CFAP57: variants seen among roughly 807,000 people sequenced by gnomAD.
The protein encoded by CFAP57 is cilia- and flagella-associated protein 57.
A neutral mutation model predicts 146.8 loss-of-function variants in CFAP57; 116 were observed. That is an observed-to-expected ratio of 0.79 (90% confidence interval 0.68 to 0.92). The LOEUF (loss-of-function observed/expected upper bound fraction) is 0.92, where lower values mean the gene tolerates loss of function less well. CFAP57 is among the 40% of genes least tolerant of loss of function. The probability of loss-of-function intolerance (pLI) is 0.00; values close to 1 mark genes in which losing one functional copy is unlikely to be tolerated. For synonymous variants in CFAP57, 518 were observed against 552.8 expected (o/e 0.94, Z 0.88); for missense variants, 1,377 against 1,527.2 (o/e 0.90, Z 1.64).
chr1:43,185,651 G>T (rs556024460), intron 5 of CFAP57, among the ~76,000 whole-genome samples: 4 of 142,730 alleles, frequency 2.8e-5, no homozygotes, highest in Non-Finnish European at 5.9e-5. Flanking sequence ...AGACCAGCCT[G>T]GGCAACATGG....
At position 43,185,155 on chromosome 1, in the gene CFAP57, T is replaced by G; in HGVS notation, c.768T>G (p.Ile256Met). The change falls in exon 5 of 23, where the codon ATT (isoleucine) becomes ATG (methionine). Residue 256 changes from isoleucine to methionine, a missense_variant. Coordinates refer to ENST00000372492, the MANE Select transcript of CFAP57 (RefSeq NM_001378189.1). ...LDVIQESESLIEFPPVSSPLP... is the reference protein window; with the variant it reads ...LDVIQESESLMEFPPVSSPLP... ...GCTGTTTTTTTGTTTCCAGCCTGATTGAATTTCCACCAGTCAGTTCTCCAC... is the reference window on the plus strand; with the variant it reads ...GCTGTTTTTTTGTTTCCAGCCTGATGGAATTTCCACCAGTCAGTTCTCCAC... 6.2e-7 allele frequency: 1 copy of G among 1,614,124 alleles called. No individual in the cohort carries two copies. The highest frequency in any genetic ancestry group is 8.5e-7 in the Non-Finnish European group (1 of 1,180,022).
chr1:43,226,600 G>A (rs758520062), intron 17 of CFAP57, among the ~76,000 whole-genome samples: 35 of 152,232 alleles, frequency 2.3e-4, no homozygotes, highest in Non-Finnish European at 7.3e-5. Context: ...TTTGGGTTAC[G>A]AACAAGTCAC....
At chr1:43,172,624 G>C (rs1300781055) in intron 1 of CFAP57, 111 bp from the exon 2 acceptor site, 2 of 1,007,810 alleles carry the variant, frequency 2.0e-6, no homozygotes, top group African/African-American at 3.2e-5. Flanking sequence ...GGAGGAGAAA[G>C]GGGAGAGACA....
chr1:43,181,816 T>A lies in CFAP57; in HGVS notation c.440T>A (p.Val147Asp). Residue 147 changes from valine to aspartate, a missense_variant, in exon 3 of 23, where the codon GTT (valine) becomes GAT (aspartate). Physicochemically the swap from Val to Asp is radical, Grantham distance 152. Transcript: ENST00000372492. ...GAAAAACAGAAAGTAATGGCCATTGTTAGAATCGACACTCAGAACAACCCT... is the reference window on the plus strand; with the variant it reads ...GAAAAACAGAAAGTAATGGCCATTGATAGAATCGACACTCAGAACAACCCT... ...LWEKQKVMAIVRIDTQNNPVY... is the reference protein window; with the variant it reads ...LWEKQKVMAIDRIDTQNNPVY... The A allele has an allele frequency of 6.2e-7, 1 of 1,614,214 alleles. No individual in the cohort carries two copies. The highest frequency in any genetic ancestry group is 1.6e-4 in the Middle Eastern group (1 of 6,062).
intron 2 of CFAP57, among the ~76,000 whole-genome samples, chr1:43,174,493 A>C (rs1280803196): frequency 6.6e-6 from 1 of 152,072 alleles, no homozygotes; most frequent in African/African-American, 2.4e-5. Context: ...GCTGGTAAGC[A>C]CCTCCAGACA....
chr1:43,191,411 C>T (rs1340371099), intron 6 of CFAP57, among the ~76,000 whole-genome samples: 1 of 152,002 alleles, frequency 6.6e-6, no homozygotes, highest in East Asian at 1.9e-4. Flanking sequence ...CACAGTGAAA[C>T]CCCGTCTCTA....
intron 9 of CFAP57, among the ~76,000 whole-genome samples, chr1:43,204,146 A>G (rs1485806473): frequency 6.6e-6 from 1 of 152,176 alleles, no homozygotes; most frequent in Admixed American, 6.5e-5. Context: ...TGGTTATTGT[A>G]CTTTTCAACT....
At position 43,243,277 on chromosome 1, in the gene CFAP57, G is replaced by T. The variant is rs1446895272; in HGVS notation, c.3456G>T (p.Lys1152Asn). 2.5e-5 allele frequency: 38 copies of T among 1,550,062 alleles called. No homozygotes were observed. The highest frequency in any genetic ancestry group is 3.2e-5 in the Non-Finnish European group (37 of 1,146,736). The change falls in exon 22 of 23, where the codon AAG (lysine) becomes AAT (asparagine). Residue 1152 changes from lysine (K) to asparagine (N), a missense_variant. Transcript: ENST00000372492. ...TTAATGAGCTCCGCAGGGAGCTGAA[G>T]TTCACTCGGTCCCAAGTCTATGACC... Reference protein sequence around the residue: ...KEINELRRELKFTRSQVYDLE... With the variant: ...KEINELRRELNFTRSQVYDLE...
Position 43,227,127 on chromosome 1 carries a change from G to T in CFAP57, c.3009+1G>T. 1 of 1,524,768 alleles carries T rather than the reference G, an allele frequency of 6.6e-7. No individual in the cohort carries two copies. Among genetic ancestry groups the T allele is most frequent in the Non-Finnish European group, 8.8e-7 (1 of 1,136,554 alleles). 94.5% of individuals were successfully genotyped at this position (1,524,768 alleles called of 1,614,324 possible). On this transcript the variant is annotated splice_donor_variant, in intron 18 of 22. Coordinates refer to ENST00000372492, the MANE Select transcript of CFAP57 (RefSeq NM_001378189.1). LOFTEE classifies it high-confidence loss of function. ...GGTGATGAAGGAACAGATTCAGGAG[G>T]TAAGAAGCCATTTGCAACACTCTGG...
Position 43,227,123 on chromosome 1 carries a change from G to A in CFAP57, c.3006G>A (p.Gln1002=). 6.5e-7 allele frequency: 1 copy of A among 1,531,246 alleles called. No homozygotes were observed. Among genetic ancestry groups the A allele is most frequent in the Non-Finnish European group, 8.8e-7 (1 of 1,139,062 alleles). The allele number at this position is 1,531,246 out of a possible 1,614,324, so 94.9% of individuals were successfully genotyped here. ...NEIRVMKEQI[Q]EMEAELENFH... ...TCAGGGTGATGAAGGAACAGATTCA[G>A]GAGGTAAGAAGCCATTTGCAACACT... Residue 1002 remains glutamine (Q), a synonymous_variant, in exon 18 of 23, where the codon CAG becomes CAA. Coordinates refer to ENST00000372492, the MANE Select transcript of CFAP57 (RefSeq NM_001378189.1).
intron 5 of CFAP57, among the ~76,000 whole-genome samples, chr1:43,186,003 C>T (rs964341936): frequency 8.6e-5 from 13 of 151,798 alleles, no homozygotes; most frequent in African/African-American, 1.9e-4. Flanking sequence ...TGCTTGAACC[C>T]GGGCAGCAGA....
rs781315362 is a variant in CFAP57 at position 43,234,613 on chromosome 1, G to A, written c.3380G>A (p.Arg1127His). Reference protein sequence around the residue: ...KKVVKEGELHRTDYVRIMQEN... With the variant: ...KKVVKEGELHHTDYVRIMQEN... ...GTGGTCAAGGAGGGCGAGCTGCACC[G>A]CACAGACTACGTCCGCATCATGCAG... The change falls in exon 21 of 23, where the codon CGC (arginine) becomes CAC (histidine). Residue 1127 changes from arginine to histidine, a missense_variant. Physicochemically the swap from Arg to His is conservative, Grantham distance 29. Coordinates refer to ENST00000372492, the MANE Select transcript of CFAP57 (RefSeq NM_001378189.1). 168 of 1,550,282 alleles carry A rather than the reference G, an allele frequency of 1.1e-4. No homozygotes were observed. Among genetic ancestry groups the A allele is most frequent in the African/African-American group, 2.3e-4 (17 of 73,138 alleles).
intron 12 of CFAP57, among the ~76,000 whole-genome samples, chr1:43,219,092 T>C (rs1026882086): frequency 1.1e-4 from 16 of 152,138 alleles, no homozygotes; most frequent in Non-Finnish European, 4.4e-5. Context: ...AATTAAACAG[T>C]GTGGTGCAAG....
chr1:43,179,203 C>T (rs1020401322), intron 2 of CFAP57, among the ~76,000 whole-genome samples: 1 of 152,062 alleles, frequency 6.6e-6, no homozygotes, highest in Non-Finnish European at 1.5e-5. Flanking sequence ...TTAATGGGTG[C>T]AGCACACCAA....
At chr1:43,215,768 A>G (rs538725133) in intron 12 of CFAP57, among the ~76,000 whole-genome samples, 1 of 152,356 alleles carries the variant, frequency 6.6e-6, no homozygotes, top group East Asian at 1.9e-4. Flanking sequence ...GAAGACAATC[A>G]ATAAATATTT....
chr1:43,180,915 TGCAGTTCCC>T (rs1463538335), intron 2 of CFAP57, among the ~76,000 whole-genome samples: 1 of 152,108 alleles, frequency 6.6e-6, no homozygotes, highest in Admixed American at 6.6e-5. Context: ...ACCCACTGCT[TGCAGTTCCC>T]GCACTATGCT....
At chr1:43,241,207 C>T (rs149578959) in intron 21 of CFAP57, among the ~76,000 whole-genome samples, 47 of 152,330 alleles carry the variant, frequency 3.1e-4, no homozygotes, top group African/African-American at 1.1e-3. Flanking sequence ...GCGAGGATGG[C>T]ACCAAGCCCT....
At chr1:43,234,664 T>G in intron 21 of CFAP57, 26 bp downstream of exon 21, 2 of 1,536,118 alleles carry the variant, frequency 1.3e-6, no homozygotes, top group Non-Finnish European at 1.8e-6. Flanking sequence ...CCTCAGCCCC[T>G]GTGGAGGCCA....
chr1:43,172,555 A>T, intron 1 of CFAP57, 102 bp downstream of exon 1: 1 of 602,348 alleles, frequency 1.7e-6, no homozygotes, highest in Non-Finnish European at 2.4e-6. Flanking sequence ...GGCGCGGAGG[A>T]GGACCCCGGG....
Sources: allele counts gnomAD v4.1 joint callset (sites outside exome capture counted in the v4.1 genomes callset), GRCh38; gene constraint gnomAD v4.1.1; transcripts MANE v1.5; gene names NCBI Gene and HGNC (gene_info 2026-07-23, HGNC 2026-07-21).